F13B: variants seen among roughly 807,000 people sequenced by gnomAD.
The protein encoded by F13B is coagulation factor XIII B chain, also known as TGase.
A neutral mutation model predicts 79.8 loss-of-function variants in F13B; 58 were observed. The ratio of observed to expected loss-of-function variants is 0.73; its 90% CI spans 0.59 to 0.90. F13B has a LOEUF of 0.90. F13B is among the 40% of genes least tolerant of loss of function. F13B has a pLI of 0.00. For missense variants in F13B, 773 were observed against 777.0 expected (o/e 0.99, Z 0.06); for synonymous variants, 283 against 260.3 (o/e 1.09, Z -0.84).
chr1:197,048,468 C>A (rs931071178), intron 10 of F13B, among the ~76,000 whole-genome samples: 2 of 151,800 alleles, frequency 1.3e-5, no homozygotes, highest in African/African-American at 2.4e-5. Context: ...TTGTCAAAAG[C>A]CCCTTGGTGC....
rs1655826409 is a variant in F13B at position 197,060,812 on chromosome 1, CATA to C, written c.628+84_628+86del. ...GGCAAAAATGCATGAAAAGGTGAAA[CATA>C]ATGAGCATGACAACTTATATACACT... On this transcript the variant is annotated intron_variant, in intron 4 of 11. Coordinates refer to ENST00000367412, the MANE Select transcript of F13B (RefSeq NM_001994.3). 5.6e-6 allele frequency: 7 copies of C among 1,252,778 alleles called. No homozygotes were observed. In the South Asian group the frequency reaches 7.3e-5, roughly 13 times the overall value. The allele number at this position is 1,252,778 out of a possible 1,614,324, so 77.6% of individuals were successfully genotyped here. A position where few individuals can be genotyped will look rare whatever the true frequency, so the allele number is the denominator to read the frequency against.
At chr1:197,051,794 A>T (rs1238013407) in intron 9 of F13B, among the ~76,000 whole-genome samples, 1 of 152,014 alleles carries the variant, frequency 6.6e-6, no homozygotes, top group Non-Finnish European at 1.5e-5. Flanking sequence ...TTTTCCTCAT[A>T]TGTTTGTTGG....
chr1:197,043,879 C>A (rs147989666), intron 10 of F13B, among the ~76,000 whole-genome samples: 1 of 151,994 alleles, frequency 6.6e-6, no homozygotes, highest in African/African-American at 2.4e-5. Context: ...AGATATTAGC[C>A]AAACATTTCT....
rs572426747 is a variant in F13B, at chr1:197,043,258, GA to G, written c.1739-2524del. ...AGCCCTGGAGAGTTACAGTCTGTGA[GA>G]AAAGGCAAACAGAGGTCTGAAAACA... On this transcript the variant is annotated intron_variant, in intron 10 of 11. Coordinates refer to ENST00000367412, the MANE Select transcript of F13B (RefSeq NM_001994.3). 2.6e-3 allele frequency among the ~76,000 whole-genome samples: 391 copies of G among 152,254 alleles called. 1 individual carries two copies. Among genetic ancestry groups the G allele is most frequent in the African/African-American group, 9.2e-3 (383 of 41,558 alleles).
chr1:197,040,507 A>G lies in F13B; in HGVS notation c.1952+15T>C. On this transcript the variant is annotated intron_variant, in intron 11 of 11. Coordinates refer to ENST00000367412, the MANE Select transcript of F13B (RefSeq NM_001994.3). ...CCAAAAAAAATAATCTGACCAAAAA[A>G]AAAAAACTTCTTACCTTTGTCTTGG... is the stretch of plus-strand genomic sequence containing the variant. 1 of 1,602,488 alleles carries G rather than the reference A, an allele frequency of 6.2e-7. No individual in the cohort carries two copies.
intron 5 of F13B, 32 bp from the exon 6 acceptor site, chr1:197,057,497 C>G: frequency 6.3e-7 from 1 of 1,592,568 alleles, no homozygotes; most frequent in East Asian, 2.2e-5. Flanking sequence ...CACCTTTAGT[C>G]ATATAATTAC....
At chr1:197,065,456 G>C (rs1210131260) in intron 1 of F13B, among the ~76,000 whole-genome samples, 1 of 152,146 alleles carries the variant, frequency 6.6e-6, no homozygotes, top group African/African-American at 2.4e-5. Flanking sequence ...CTACTGATCA[G>C]AGAATGGTAA....
intron 10 of F13B, among the ~76,000 whole-genome samples, chr1:197,046,504 A>G (rs1655236977): frequency 6.6e-6 from 1 of 152,188 alleles, no homozygotes; most frequent in African/African-American, 2.4e-5. Flanking sequence ...GCCCAACGAA[A>G]TAAAAGATGA....
chr1:197,043,343 T>C (rs1040635482), intron 10 of F13B, among the ~76,000 whole-genome samples: 3 of 152,200 alleles, frequency 2.0e-5, no homozygotes, highest in South Asian at 2.1e-4. Context: ...ACACTAATCA[T>C]CAGCCAGAGG....
rs778826479 is a variant in F13B, at chr1:197,057,177, C to A, written c.1007G>T (p.Cys336Phe). ...ATTTTCAATGAAGGGTGGTTCCTCA[C>A]AGGCTACCTTCTCCTGTCCTTCTGA... is the stretch of plus-strand genomic sequence containing the variant. Reference protein sequence around the residue: ...KCIEGQEKVACEEPPFIENGA... With the variant: ...KCIEGQEKVAFEEPPFIENGA... The change falls in exon 7 of 12, where the codon TGT becomes TTT. Residue 336 changes from cysteine (C) to phenylalanine (F), a missense_variant. By Grantham distance (205) the Cys-to-Phe change is radical. Transcript: ENST00000367412. The A allele has an allele frequency of 2.2e-5, 35 of 1,613,788 alleles. No individual in the cohort carries two copies. Among genetic ancestry groups the A allele is most frequent in the Non-Finnish European group, 2.8e-5 (33 of 1,179,924 alleles).
intron 10 of F13B, among the ~76,000 whole-genome samples, chr1:197,046,395 G>C (rs1655231380): frequency 6.6e-6 from 1 of 152,118 alleles, no homozygotes; most frequent in Non-Finnish European, 1.5e-5. Flanking sequence ...GCCAAATTAT[G>C]AGTGAACCCC....
intron 10 of F13B, among the ~76,000 whole-genome samples, chr1:197,048,511 C>A (rs17549734): frequency 0.018 from 2,777 of 151,712 alleles, 84 homozygotes; most frequent in African/African-American, 0.063. Context: ...AAAAAAAAGG[C>A]AAAGCATTAC....
At chr1:197,061,132 A>C in intron 3 of F13B, 57 bp from the exon 4 acceptor site, 1 of 888,834 alleles carries the variant, frequency 1.1e-6, no homozygotes, top group Non-Finnish European at 1.6e-6. Context: ...AGATTATAAA[A>C]AATCTCAAAA....
chr1:197,058,183 T>C (rs1358089795), intron 5 of F13B, among the ~76,000 whole-genome samples: 1 of 152,198 alleles, frequency 6.6e-6, no homozygotes, highest in African/African-American at 2.4e-5. Context: ...CTAAAATAAC[T>C]TTATTAAGTA....
chr1:197,047,978 C>A (rs1410343668), intron 10 of F13B, among the ~76,000 whole-genome samples: 1 of 151,880 alleles, frequency 6.6e-6, no homozygotes, highest in Non-Finnish European at 1.5e-5. Context: ...TATCAAACAC[C>A]AGGGCCTGTC....
At chr1:197,047,444 C>T (rs116060495) in intron 10 of F13B, among the ~76,000 whole-genome samples, 2,787 of 152,034 alleles carry the variant, frequency 0.018, 87 homozygotes, top group African/African-American at 0.063. Flanking sequence ...CAATGAGAGA[C>T]CATCTCACTC....
rs547611487 is a variant in F13B at position 197,043,615 on chromosome 1, A to G, written c.1739-2880T>C. Among the ~76,000 whole-genome samples the G allele has an allele frequency of 2.0e-5, 3 of 152,334 alleles. No homozygotes were observed. In the South Asian group the frequency reaches 6.2e-4, roughly 32 times the overall value. ...AATATAAAATAGAAATGCAAAGATG[A>G]TAACTGAAATTGAGAACTCAAAAGA... On this transcript the variant is annotated intron_variant, in intron 10 of 11. Coordinates refer to ENST00000367412, the MANE Select transcript of F13B (RefSeq NM_001994.3).
intron 1 of F13B, among the ~76,000 whole-genome samples, chr1:197,064,194 A>T (rs1018634354): frequency 3.3e-5 from 5 of 152,210 alleles, no homozygotes; most frequent in Non-Finnish European, 5.9e-5. Flanking sequence ...TGGAACTCGC[A>T]TATTTCTACA....
At chr1:197,062,835 G>C (rs982174755) in intron 2 of F13B, 22 bp downstream of exon 2, 1 of 1,610,772 alleles carries the variant, frequency 6.2e-7, no homozygotes, top group Non-Finnish European at 8.5e-7. Context: ...GAAACATTGA[G>C]TGACATATCC....
Sources: gnomAD v4.1 joint callset for allele counts (sites outside exome capture counted in the v4.1 genomes callset) on GRCh38, gnomAD v4.1.1 for gene constraint, MANE v1.5 for transcripts, NCBI Gene and HGNC (gene_info 2026-07-23, HGNC 2026-07-21) for gene names.